Variants in GPHN observed in about 807,000 individuals in gnomAD.
GPHN encodes gephyrin.
A neutral mutation model predicts 95.5 loss-of-function variants in GPHN; 17 were observed. The ratio of observed to expected loss-of-function variants is 0.18; its 90% CI spans 0.12 to 0.27. The LOEUF (loss-of-function observed/expected upper bound fraction) is 0.27, where lower values mean the gene tolerates loss of function less well. Ranked by LOEUF, GPHN falls within the 10% of genes least tolerant of loss-of-function variation. The pLI, the probability that GPHN is intolerant of heterozygous loss-of-function variation, is 1.00. For missense variants in GPHN, 660 were observed against 978.1 expected (o/e 0.67, Z 4.34); for synonymous variants, 320 against 322.5 (o/e 0.99, Z 0.08).
intron 1 of GPHN, among the ~76,000 whole-genome samples, chr14:66,523,879 T>G (rs1393604106): frequency 6.6e-6 from 1 of 152,154 alleles, no homozygotes; most frequent in African/African-American, 2.4e-5. Flanking sequence ...CCCACTATTT[T>G]ATCTTATTTT....
intron 2 of GPHN, among the ~76,000 whole-genome samples, chr14:66,775,107 A>G (rs1175385231): frequency 6.6e-6 from 1 of 151,792 alleles, no homozygotes; most frequent in Non-Finnish European, 1.5e-5. Flanking sequence ...GGTTTGGTGT[A>G]CAGATTATTT....
the GPHN span, chr14:67,653,487 TGTGTTTAC>T: frequency 6.2e-7 from 1 of 1,613,958 alleles, no homozygotes; most frequent in Admixed American, 1.7e-5. Flanking sequence ...AGTTTTCACT[TGTGTTTAC>T]CAGCTGAGAA....
the GPHN span, chr14:67,589,956 C>T: frequency 4.4e-6 from 6 of 1,364,568 alleles, no homozygotes; most frequent in East Asian, 1.1e-4. Context: ...CTCTAAGATG[C>T]ACTACATCCA....
chr14:67,170,216 G>GA (rs1309660719), intron 21 of GPHN, among the ~76,000 whole-genome samples: 1 of 152,106 alleles, frequency 6.6e-6, no homozygotes, highest in Non-Finnish European at 1.5e-5. Flanking sequence ...ACTAGGATAT[G>GA]AAACAATCTC....
the GPHN span, among the ~76,000 whole-genome samples, chr14:67,212,615 G>GTATTACATATATATA: frequency 7.4e-6 from 1 of 136,036 alleles, no homozygotes; most frequent in Admixed American, 7.6e-5. Context: ...ATATATATAT[G>GTATTACATATATATA]TAATATATAT....
chr14:66,761,531 G>C lies in GPHN; in HGVS notation c.144-14933G>C, dbSNP rs113125483. On this transcript the variant is annotated intron_variant, in intron 2 of 22. Transcript: ENST00000478722. Reference sequence around the variant, plus strand: ...ACATTGTTTGATGAAGCTTAATTATGCTGCACTGCTTTGACCTGGTTTAAC... The same window carrying C: ...ACATTGTTTGATGAAGCTTAATTATCCTGCACTGCTTTGACCTGGTTTAAC... Among the ~76,000 whole-genome samples the C allele has an allele frequency of 7.9e-5, 12 of 152,274 alleles. 2 individuals are homozygous for C. Among genetic ancestry groups the C allele is most frequent in the African/African-American group, 2.9e-4 (12 of 41,560 alleles).
intron 1 of GPHN, among the ~76,000 whole-genome samples, chr14:66,643,200 G>A (rs1366203554): frequency 6.6e-6 from 1 of 152,004 alleles, no homozygotes; most frequent in East Asian, 1.9e-4. Flanking sequence ...TAAAACCACA[G>A]CAAAATATTT....
At chr14:67,160,638 G>C (rs909713971) in intron 19 of GPHN, among the ~76,000 whole-genome samples, 105 of 152,258 alleles carry the variant, frequency 6.9e-4, no homozygotes, top group African/African-American at 2.4e-3. Context: ...GTATGGCTGA[G>C]AGTTCCAGCC....
At chr14:66,538,360 T>C (rs554621157) in intron 1 of GPHN, among the ~76,000 whole-genome samples, 1 of 152,094 alleles carries the variant, frequency 6.6e-6, no homozygotes, top group African/African-American at 2.4e-5. Context: ...AAATTTGTAT[T>C]TTATATCTTT....
At chr14:67,688,814 G>A in the GPHN span, among the ~76,000 whole-genome samples, 1 of 152,136 alleles carries the variant, frequency 6.6e-6, no homozygotes, top group African/African-American at 2.4e-5. Flanking sequence ...ATAAAGACTT[G>A]CTAATTGTCT....
At chr14:66,571,023 A>G (rs1295624920) in intron 1 of GPHN, among the ~76,000 whole-genome samples, 1 of 152,280 alleles carries the variant, frequency 6.6e-6, no homozygotes, top group African/African-American at 2.4e-5. Flanking sequence ...GCTCATATCA[A>G]ACGTATGGGG....
intron 21 of GPHN, among the ~76,000 whole-genome samples, chr14:67,179,036 T>C (rs894428835): frequency 1.3e-5 from 2 of 152,190 alleles, no homozygotes; most frequent in African/African-American, 2.4e-5. Flanking sequence ...TCCAGCTTCT[T>C]AGCCTTCTTT....
At chr14:67,338,663 A>T in the GPHN span, 1 of 1,614,176 alleles carries the variant, frequency 6.2e-7, no homozygotes, top group Non-Finnish European at 8.5e-7. Context: ...CAGCCAGAAG[A>T]TTAGCAGGCT....
chr14:67,290,999 T>C, the GPHN span, among the ~76,000 whole-genome samples: 1 of 152,122 alleles, frequency 6.6e-6, no homozygotes, highest in Non-Finnish European at 1.5e-5. Flanking sequence ...TCTAGGTAAA[T>C]ATTTTTTAAT....
At chr14:67,398,136 C>T in the GPHN span, 79 of 239,318 alleles carry the variant, frequency 3.3e-4, no homozygotes, top group Middle Eastern at 5.2e-3. Context: ...ATTGTATTTC[C>T]TTCCGGTCTT....
chr14:67,120,148 G>A (rs1176859151), intron 16 of GPHN, among the ~76,000 whole-genome samples: 2 of 151,804 alleles, frequency 1.3e-5, no homozygotes, highest in Non-Finnish European at 1.5e-5. Flanking sequence ...AAAGAGGTGG[G>A]AAGATAGTGG....
At chr14:67,239,124 C>T in the GPHN span, among the ~76,000 whole-genome samples, 7 of 152,130 alleles carry the variant, frequency 4.6e-5, no homozygotes, top group South Asian at 2.1e-4. Context: ...GCTGAGGAAG[C>T]AAGGCTAGGT....
chr14:67,328,397 G>A, the GPHN span, among the ~76,000 whole-genome samples: 1 of 152,058 alleles, frequency 6.6e-6, no homozygotes, highest in Non-Finnish European at 1.5e-5. Context: ...TTGTCAGATG[G>A]GTAGATGGTA....
intron 1 of GPHN, among the ~76,000 whole-genome samples, chr14:66,528,561 T>C (rs1234058566): frequency 2.0e-5 from 3 of 152,238 alleles, no homozygotes; most frequent in African/African-American, 7.2e-5. Flanking sequence ...ATAGTGACGA[T>C]GGTTTTTACA....
Sources: allele counts gnomAD v4.1 joint callset (sites outside exome capture counted in the v4.1 genomes callset), GRCh38; gene constraint gnomAD v4.1.1; transcripts MANE v1.5; gene names NCBI Gene and HGNC (gene_info 2026-07-23, HGNC 2026-07-21).